C2CD2: variants seen among roughly 807,000 people sequenced by gnomAD.
C2CD2 encodes the protein C2 domain-containing protein 2.
A neutral mutation model predicts 74.3 loss-of-function variants in C2CD2; 43 were observed. The observed-to-expected ratio is 0.58, with a 90% confidence interval of 0.45 to 0.75. The LOEUF (loss-of-function observed/expected upper bound fraction) is 0.75. Ranked by LOEUF, C2CD2 falls within the 30% of genes least tolerant of loss-of-function variation. C2CD2 has a pLI of 0.00. For missense variants in C2CD2, 801 were observed against 916.3 expected (o/e 0.87, Z 1.63); for synonymous variants, 422 against 390.7 (o/e 1.08, Z -0.94).
rs2064808148 is a variant in C2CD2, at chr21:41,895,180, C to G, written c.1870+3873G>C. On this transcript the variant is annotated intron_variant, in intron 13 of 13. Transcript: ENST00000380486. The surrounding 1 kb of genome is among the most constrained non-coding windows in gnomAD (Gnocchi z 5.0). Reference sequence around the variant, plus strand: ...TTCCAGGGAGGAGGAAATTCTGCCTCAAGAATGAAGCATCAGCTCTTGCCG... The same window carrying G: ...TTCCAGGGAGGAGGAAATTCTGCCTGAAGAATGAAGCATCAGCTCTTGCCG... 8.6e-6 allele frequency: 3 copies of G among 350,758 alleles called. No individual in the cohort carries two copies. The highest frequency in any genetic ancestry group is 7.7e-5 in the Admixed American group (2 of 26,068). The allele number at this position is 350,758 out of a possible 1,614,324, so 21.7% of individuals were successfully genotyped here.
intron 3 of C2CD2, among the ~76,000 whole-genome samples, chr21:41,919,984 G>T (rs1248561732): frequency 1.3e-5 from 2 of 152,210 alleles, no homozygotes; most frequent in Non-Finnish European, 2.9e-5. Flanking sequence ...GTGACGTGAG[G>T]ACTGCAGGCA....
chr21:41,950,324 T>C (rs896331528), intron 1 of C2CD2, among the ~76,000 whole-genome samples: 3 of 152,312 alleles, frequency 2.0e-5, no homozygotes, highest in African/African-American at 7.2e-5. Flanking sequence ...CTGTGATCCC[T>C]GCACACCTGG....
intron 5 of C2CD2, among the ~76,000 whole-genome samples, chr21:41,915,999 C>T (rs375126451): frequency 1.3e-5 from 2 of 152,038 alleles, no homozygotes; most frequent in Non-Finnish European, 2.9e-5. Context: ...AGCACTTCTT[C>T]GGGGGAATGC....
At position 41,899,159 on chromosome 21, in the gene C2CD2, T is replaced by G; in HGVS notation, c.1764A>C (p.Pro588=). 1 of 1,613,520 alleles carries G rather than the reference T, an allele frequency of 6.2e-7. No individual in the cohort carries two copies. Among genetic ancestry groups the G allele is most frequent in the South Asian group, 1.1e-5 (1 of 91,030 alleles). ...CCTGGCTGCTCCATGCCGCGGCCTG[T>G]GGCTCCTTCTCCAAGTCCCAGGAGT... ...ELDSWDLEKE[P]QAAAWSSQVL... The change falls in exon 13 of 14, where the codon CCA becomes CCC. Residue 588 remains proline (P), a synonymous_variant. Coordinates refer to ENST00000380486, the MANE Select transcript of C2CD2 (RefSeq NM_015500.2). The surrounding 1 kb of genome is among the most constrained non-coding windows in gnomAD (Gnocchi z 4.4).
chr21:41,944,538 A>AAAAAAAG (rs1555906450), intron 1 of C2CD2, among the ~76,000 whole-genome samples: 4 of 130,752 alleles, frequency 3.1e-5, no homozygotes, highest in African/African-American at 1.3e-4. Flanking sequence ...AAAAAAAAAA[A>AAAAAAAG]AAAAGAAAAG....
intron 1 of C2CD2, among the ~76,000 whole-genome samples, chr21:41,947,137 T>TCTCC (rs1555906771): frequency 0.056 from 1,404 of 24,932 alleles, 5 homozygotes; most frequent in Middle Eastern, 0.14. Context: ...TCTCTCTCTC[T>TCTCC]CTCCCTCCCT....
At position 41,904,932 on chromosome 21, in the gene C2CD2, A is replaced by AG. The variant is rs1156976397; in HGVS notation, c.1432+791_1432+792insC. Among the ~76,000 whole-genome samples, 17 of 68,132 alleles carry AG rather than the reference A, an allele frequency of 2.5e-4. No homozygotes were observed. The South Asian group carries it at 9.8e-3, about 39-fold the overall frequency. 44.7% of individuals were successfully genotyped at this position (68,132 alleles called of 152,430 possible). On this transcript the variant is annotated intron_variant, in intron 11 of 13. Coordinates refer to ENST00000380486, the MANE Select transcript of C2CD2 (RefSeq NM_015500.2). The stretch of plus-strand genomic sequence containing the variant: ...TAATGAGTCAGTAAGACATCTCTTC[A>AG]AAAAGTCTATTACCTGAAACTGACC...
intron 13 of C2CD2, among the ~76,000 whole-genome samples, chr21:41,896,917 T>C (rs2064830182): frequency 6.6e-6 from 1 of 152,182 alleles, no homozygotes; most frequent in Non-Finnish European, 1.5e-5. Flanking sequence ...CTGCCAAGTA[T>C]GTCCTGTTCA....
At position 41,947,139 on chromosome 21, in the gene C2CD2, T is replaced by TCTCTCTCTCTCTCTCC. The variant is rs1365076208; in HGVS notation, c.280-4895_280-4894insGGAGAGAGAGAGAGAG. On this transcript the variant is annotated intron_variant, in intron 1 of 13. Coordinates refer to ENST00000380486, the MANE Select transcript of C2CD2 (RefSeq NM_015500.2). ...CTCTCTCTCTCTCTCTCTCTCTCTC[T>TCTCTCTCTCTCTCTCC]CCCTCCCTCCCTCCCTCCCTCTCTC... Among the ~76,000 whole-genome samples the TCTCTCTCTCTCTCTCC allele has an allele frequency of 4.7e-4, 58 of 122,376 alleles. 6 individuals carry two copies. The highest frequency in any genetic ancestry group is 7.6e-4 in the Non-Finnish European group (44 of 57,676). The allele number at this position is 122,376 out of a possible 152,430, so 80.3% of individuals were successfully genotyped here.
chr21:41,889,013 C>T lies in C2CD2; in HGVS notation c.*111G>A. 1 of 794,490 alleles carries T rather than the reference C, an allele frequency of 1.3e-6. No individual in the cohort carries two copies. Among genetic ancestry groups the T allele is most frequent in the Non-Finnish European group, 2.1e-6 (1 of 471,468 alleles). The allele number at this position is 794,490 out of a possible 1,614,324, so 49.2% of individuals were successfully genotyped here. A position where few individuals can be genotyped will look rare whatever the true frequency, so the allele number is the denominator to read the frequency against. On this transcript the variant is annotated 3_prime_UTR_variant, in exon 14 of 14. Coordinates refer to ENST00000380486, the MANE Select transcript of C2CD2 (RefSeq NM_015500.2). ...AATGACGAGATGGTTGGAAGAAACC[C>T]AGCAAGACAAGCGGGGCATCTGGAC... is the stretch of plus-strand genomic sequence containing the variant.
intron 13 of C2CD2, among the ~76,000 whole-genome samples, chr21:41,896,729 A>AAAAAC: frequency 6.7e-6 from 1 of 149,366 alleles, no homozygotes. Context: ...AAAAAAAAAA[A>AAAAAC]CAAGCTTTAG....
At chr21:41,908,188 TAC>T (rs1482602041) in intron 8 of C2CD2, 2 of 257,204 alleles carry the variant, frequency 7.8e-6, no homozygotes, top group East Asian at 2.8e-4. Context: ...CCTGGGAAAA[TAC>T]ACACTAAAGA....
At position 41,926,357 on chromosome 21, in the gene C2CD2, A is replaced by G. The variant is rs2065212328; in HGVS notation, c.379-4272T>C. The G allele has an allele frequency of 2.3e-6, 2 of 858,078 alleles. No individual in the cohort carries two copies. Among genetic ancestry groups the G allele is most frequent in the Non-Finnish European group, 2.8e-6 (2 of 713,782 alleles). The allele number at this position is 858,078 out of a possible 1,614,324, so 53.2% of individuals were successfully genotyped here. ...TGTTTTTCGGAGTGGGGGGCTATTC[A>G]CGGTAAGTCAGGGTCTCCACATGGA... On this transcript the variant is annotated intron_variant, in intron 2 of 13. Coordinates refer to ENST00000380486, the MANE Select transcript of C2CD2 (RefSeq NM_015500.2). The surrounding 1 kb of genome is among the most constrained non-coding windows in gnomAD (Gnocchi z 8.0).
chr21:41,907,115 CAG>C lies in C2CD2; in HGVS notation c.1193_1194del (p.Pro398ArgfsTer42), dbSNP rs1346177787. On this transcript the variant is annotated frameshift_variant, in exon 10 of 14. Coordinates refer to ENST00000380486, the MANE Select transcript of C2CD2 (RefSeq NM_015500.2). LOFTEE classifies it high-confidence loss of function. ...GELKSWPIPP[P>X]VPAAKIEKDR... ...TCCTTTTCTATTTTTGCAGCAGGAA[CAG>C]GGGGAGGGATGGGCCAGGATTTCAA... The C allele has an allele frequency of 2.5e-6, 4 of 1,613,968 alleles. No homozygotes were observed. The highest frequency in any genetic ancestry group is 3.4e-6 in the Non-Finnish European group (4 of 1,179,942).
intron 2 of C2CD2, among the ~76,000 whole-genome samples, chr21:41,940,282 T>TGAACTACAAAGAAAA (rs2065344050): frequency 6.6e-6 from 1 of 152,032 alleles, no homozygotes; most frequent in Non-Finnish European, 1.5e-5. Flanking sequence ...TGAAGCAAAA[T>TGAACTACAAAGAAAA]GAACTACAAA....
At chr21:41,915,072 T>C (rs1287372434) in intron 5 of C2CD2, among the ~76,000 whole-genome samples, 2 of 152,166 alleles carry the variant, frequency 1.3e-5, no homozygotes, top group East Asian at 1.9e-4. Flanking sequence ...CCCGGGCAGG[T>C]GCTTAAGAGC....
intron 1 of C2CD2, among the ~76,000 whole-genome samples, chr21:41,947,141 C>CTCTCTCT (rs1569084407): frequency 4.5e-4 from 9 of 20,180 alleles, no homozygotes; most frequent in African/African-American, 2.1e-3. Context: ...TCTCTCTCTC[C>CTCTCTCT]CTCCCTCCCT....
At chr21:41,935,968 A>G (rs954186971) in intron 2 of C2CD2, among the ~76,000 whole-genome samples, 2 of 152,140 alleles carry the variant, frequency 1.3e-5, no homozygotes, top group African/African-American at 4.8e-5. Flanking sequence ...AAAAACTTAA[A>G]TGTGAGACCA....
At chr21:41,900,658 T>C (rs2146148828) in intron 12 of C2CD2, among the ~76,000 whole-genome samples, 1 of 152,224 alleles carries the variant, frequency 6.6e-6, no homozygotes, top group East Asian at 1.9e-4. Context: ...TGTTCTGGCC[T>C]GTCTCCCAGC....
Sources: allele counts gnomAD v4.1 joint callset (sites outside exome capture counted in the v4.1 genomes callset), GRCh38; gene constraint gnomAD v4.1.1; non-coding constraint Gnocchi (gnomAD v3.1); transcripts MANE v1.5; gene names NCBI Gene and HGNC (gene_info 2026-07-23, HGNC 2026-07-21).